The following ELAVL3 variants were observed in gnomAD, a reference collection of about 807,000 sequenced individuals.
The protein encoded by ELAVL3 is ELAV-like protein 3.
A neutral mutation model predicts 34.2 loss-of-function variants in ELAVL3; 8 were observed. The ratio of observed to expected loss-of-function variants is 0.23; its 90% CI spans 0.14 to 0.42. The LOEUF (loss-of-function observed/expected upper bound fraction) is 0.42. Among genes scored for constraint, ELAVL3 ranks in the 10% least tolerant of loss-of-function variants. ELAVL3 has a pLI of 1.00. For synonymous variants in ELAVL3, 209 were observed against 222.1 expected (o/e 0.94, Z 0.53); for missense variants, 273 against 518.8 (o/e 0.53, Z 4.60).
At chr19:11,469,753 A>C (rs929808627) in intron 1 of ELAVL3, among the ~76,000 whole-genome samples, 1 of 152,168 alleles carries the variant, frequency 6.6e-6, no homozygotes, top group Non-Finnish European at 1.5e-5. Flanking sequence ...AATTCACACA[A>C]AGACTCTAAA....
chr19:11,466,895 C>T lies in ELAVL3; in HGVS notation c.10-68G>A, dbSNP rs1025692877. ...ACCAGGGGCCTGCGGCAATGAGTGG[C>T]TTGGTGGTGATGAATTAGCCATGTC... is the stretch of plus-strand genomic sequence containing the variant. On this transcript the variant is annotated intron_variant, in intron 1 of 6. Coordinates refer to ENST00000359227, the MANE Select transcript of ELAVL3 (RefSeq NM_001420.4). The surrounding 1 kb of genome is among the most constrained non-coding windows in gnomAD (Gnocchi z 5.0). 2 of 1,385,584 alleles carry T rather than the reference C, an allele frequency of 1.4e-6. No homozygotes were observed. Among genetic ancestry groups the T allele is most frequent in the Non-Finnish European group, 2.0e-6 (2 of 1,007,094 alleles). The allele number at this position is 1,385,584 out of a possible 1,614,324, so 85.8% of individuals were successfully genotyped here.
At position 11,466,764 on chromosome 19, in the gene ELAVL3, C is replaced by T; in HGVS notation, c.73G>A (p.Gly25Arg). The T allele has an allele frequency of 1.2e-6, 2 of 1,614,116 alleles. No individual in the cohort carries two copies. The highest frequency in any genetic ancestry group is 1.1e-5 in the South Asian group (1 of 91,084). ...GGPAGPALPNGPLLGTNGATD... is the reference protein window; with the variant it reads ...GGPAGPALPNRPLLGTNGATD... ...GCTCCATTTGTACCAAGGAGTGGCC[C>T]GTTGGGCAGGGCCGGGCCGGCCGGG... is the stretch of plus-strand genomic sequence containing the variant. Residue 25 changes from glycine to arginine, a missense_variant, in exon 2 of 7, where the codon GGG becomes AGG. Coordinates refer to ENST00000359227, the MANE Select transcript of ELAVL3 (RefSeq NM_001420.4). This position sits in a 1 kb window ranked among gnomAD's most constrained non-coding sequence, Gnocchi z 5.0.
chr19:11,468,380 G>A (rs1283259929), intron 1 of ELAVL3, among the ~76,000 whole-genome samples: 1 of 150,630 alleles, frequency 6.6e-6, no homozygotes, highest in East Asian at 1.9e-4. Flanking sequence ...TCATTTCAGG[G>A]GCTACAGTGT....
At position 11,459,566 on chromosome 19, in the gene ELAVL3, C is replaced by T. The variant is rs754923026; in HGVS notation, c.334-955G>A. 6.4e-4 allele frequency among the ~76,000 whole-genome samples: 96 copies of T among 150,706 alleles called. 1 individual carries two copies. The highest frequency in any genetic ancestry group is 1.2e-3 in the Admixed American group (18 of 15,060). On this transcript the variant is annotated intron_variant, in intron 3 of 6. Coordinates refer to ENST00000359227, the MANE Select transcript of ELAVL3 (RefSeq NM_001420.4). Reference sequence around the variant, plus strand: ...ACAGGTGTGAGCCACCTCCCCCGGCCTCAGCTAATCTTTAAATTTTTTTTT... The same window carrying T: ...ACAGGTGTGAGCCACCTCCCCCGGCTTCAGCTAATCTTTAAATTTTTTTTT...
chr19:11,463,022 C>CT (rs1338224674), intron 3 of ELAVL3, among the ~76,000 whole-genome samples: 1 of 150,996 alleles, frequency 6.6e-6, no homozygotes, highest in South Asian at 2.1e-4. Flanking sequence ...GTTTTCTCTT[C>CT]TTTTTTTCTC....
chr19:11,479,517 G>A (rs1191208596), intron 1 of ELAVL3, among the ~76,000 whole-genome samples: 2 of 151,986 alleles, frequency 1.3e-5, no homozygotes, highest in South Asian at 2.1e-4. Flanking sequence ...GCGGCGCGGG[G>A]AGCGGAGTCG....
chr19:11,478,096 G>A (rs1459495720), intron 1 of ELAVL3, among the ~76,000 whole-genome samples: 1 of 152,174 alleles, frequency 6.6e-6, no homozygotes, highest in Non-Finnish European at 1.5e-5. Context: ...GACACTGAGG[G>A]TTAGTCACAG....
chr19:11,461,743 G>A (rs1970890168), intron 3 of ELAVL3, among the ~76,000 whole-genome samples: 1 of 152,008 alleles, frequency 6.6e-6, no homozygotes, highest in Admixed American at 6.6e-5. Flanking sequence ...GGGACTACAG[G>A]TGTGAGCCTT....
At chr19:11,464,951 CCA>C (rs1415544207) in intron 3 of ELAVL3, among the ~76,000 whole-genome samples, 1 of 124,746 alleles carries the variant, frequency 8.0e-6, no homozygotes, top group Non-Finnish European at 1.6e-5. Flanking sequence ...ACCACACACA[CCA>C]CACACACGCA....
At chr19:11,475,945 A>C (rs1488590366) in intron 1 of ELAVL3, among the ~76,000 whole-genome samples, 2 of 152,114 alleles carry the variant, frequency 1.3e-5, no homozygotes, top group Non-Finnish European at 2.9e-5. Context: ...ATGGCACAGA[A>C]GGTCAGCTCC....
intron 3 of ELAVL3, among the ~76,000 whole-genome samples, chr19:11,464,736 CCACACACATACACCA>C (rs1298781763): frequency 2.6e-3 from 307 of 118,970 alleles, no homozygotes; most frequent in African/African-American, 9.9e-3. Flanking sequence ...CACACACACA[CCACACACATACACCA>C]CACACACATC....
intron 3 of ELAVL3, among the ~76,000 whole-genome samples, chr19:11,463,020 T>C (rs1970924407): frequency 6.6e-6 from 1 of 152,064 alleles, no homozygotes; most frequent in African/African-American, 2.4e-5. Context: ...CAGTTTTCTC[T>C]TCTTTTTTTC....
At position 11,454,023 on chromosome 19, in the gene ELAVL3, AC is replaced by A. The variant is rs1213382018; in HGVS notation, c.*502del. On this transcript the variant is annotated 3_prime_UTR_variant, in exon 7 of 7. Transcript: ENST00000359227. This position sits in a 1 kb window ranked among gnomAD's most constrained non-coding sequence, Gnocchi z 9.2. ...GCTCCCCCGCATTCCACCAGGGGGC[AC>A]TGGGCCGGGGGTGCCCACACCCCTC... is the stretch of plus-strand genomic sequence containing the variant. The A allele has an allele frequency of 1.4e-5, 2 of 143,674 alleles. No homozygotes were observed. Among genetic ancestry groups the A allele is most frequent in the East Asian group, 4.3e-4 (2 of 4,606 alleles). 8.9% of individuals were successfully genotyped at this position (143,674 alleles called of 1,614,324 possible).
Position 11,458,399 on chromosome 19 carries a change from C to G in ELAVL3, c.487+59G>C. 1 of 1,610,130 alleles carries G rather than the reference C, an allele frequency of 6.2e-7. No homozygotes were observed. The highest frequency in any genetic ancestry group is 8.5e-7 in the Non-Finnish European group (1 of 1,178,012). The stretch of plus-strand genomic sequence containing the variant: ...TCTTGGTCGGTTTCCCCACGTTGGT[C>G]CCACCTGACTGCCTTTGCCCAGCGC... On this transcript the variant is annotated intron_variant, in intron 4 of 6. Transcript: ENST00000359227. This position sits in a 1 kb window ranked among gnomAD's most constrained non-coding sequence, Gnocchi z 7.3.
At chr19:11,465,864 C>G (rs1011907981) in intron 3 of ELAVL3, among the ~76,000 whole-genome samples, 2 of 152,060 alleles carry the variant, frequency 1.3e-5, no homozygotes, top group Non-Finnish European at 2.9e-5. Flanking sequence ...ATGACAAAAG[C>G]AGGGAGGGGA....
chr19:11,466,489 G>T lies in ELAVL3; in HGVS notation c.229+119C>A. On this transcript the variant is annotated intron_variant, in intron 2 of 6. Coordinates refer to ENST00000359227, the MANE Select transcript of ELAVL3 (RefSeq NM_001420.4). The surrounding 1 kb of genome is among the most constrained non-coding windows in gnomAD (Gnocchi z 5.0). ...CTCCCCATCAGACCTCACATCCCTA[G>T]ACCACCTCCTGCCTCGATTACCCCC... is the stretch of plus-strand genomic sequence containing the variant. 1 of 1,236,064 alleles carries T rather than the reference G, an allele frequency of 8.1e-7. No homozygotes were observed. Among genetic ancestry groups the T allele is most frequent in the Non-Finnish European group, 1.2e-6 (1 of 866,084 alleles). The allele number at this position is 1,236,064 out of a possible 1,614,324, so 76.6% of individuals were successfully genotyped here.
intron 1 of ELAVL3, among the ~76,000 whole-genome samples, chr19:11,473,237 C>T (rs550534393): frequency 1.4e-4 from 22 of 151,790 alleles, no homozygotes; most frequent in Non-Finnish European, 3.1e-4. Flanking sequence ...TGGTGGCGGG[C>T]GCCTGTAGTC....
chr19:11,475,133 C>G (rs983908074), intron 1 of ELAVL3, among the ~76,000 whole-genome samples: 7 of 152,082 alleles, frequency 4.6e-5, no homozygotes, highest in African/African-American at 1.4e-4. Flanking sequence ...CCTAATACTG[C>G]TATTTTAATG....
Position 11,480,409 on chromosome 19 carries a change from G to A in ELAVL3, c.9+191C>T, listed in dbSNP as rs1183158032. On this transcript the variant is annotated intron_variant, in intron 1 of 6. Transcript: ENST00000359227. This position sits in a 1 kb window ranked among gnomAD's most constrained non-coding sequence, Gnocchi z 6.8. ...TCTCCCTAAGGCCCTCTCAGACCAA[G>A]CTCTAAGCGCCCTCAGCACTCTGGG... 4 of 589,740 alleles carry A rather than the reference G, an allele frequency of 6.8e-6. No individual in the cohort carries two copies. The highest frequency in any genetic ancestry group is 7.9e-6 in the Non-Finnish European group (3 of 381,424). The allele number at this position is 589,740 out of a possible 1,614,324, so 36.5% of individuals were successfully genotyped here.
Sources: allele counts gnomAD v4.1 joint callset (sites outside exome capture counted in the v4.1 genomes callset), GRCh38; gene constraint gnomAD v4.1.1; non-coding constraint Gnocchi (gnomAD v3.1); transcripts MANE v1.5; gene names NCBI Gene and HGNC (gene_info 2026-07-23, HGNC 2026-07-21).